The following PLSCR5 variants were observed in gnomAD, a reference collection of about 807,000 sequenced individuals.
PLSCR5 encodes the protein phospholipid scramblase family member 5.
PLSCR5 carries 44 observed loss-of-function variants against 33.6 expected under a neutral mutation model. The observed-to-expected ratio is 1.31, with a 90% CI of 1.03 to 1.69. The LOEUF (loss-of-function observed/expected upper bound fraction) is 1.69, where lower values mean the gene tolerates loss of function less well. Ranked by LOEUF, PLSCR5 falls within the 40% of genes most tolerant of loss-of-function variation. PLSCR5 has a pLI of 0.00. For synonymous variants in PLSCR5, 148 were observed against 112.3 expected, an observed-to-expected ratio of 1.32 and a Z score of -2.01; for missense variants, 375 against 318.7, an observed-to-expected ratio of 1.18 and a Z score of -1.34.
intron 6 of PLSCR5, among the ~76,000 whole-genome samples, chr3:146,587,062 G>C (rs1197896421): frequency 1.3e-5 from 2 of 152,160 alleles, no homozygotes; most frequent in Non-Finnish European, 2.9e-5. Context: ...TATCCTTTTA[G>C]ATGATTAGGG....
At chr3:146,591,219 A>G (rs2044711723) in intron 5 of PLSCR5, among the ~76,000 whole-genome samples, 1 of 151,990 alleles carries the variant, frequency 6.6e-6, no homozygotes, top group Admixed American at 6.6e-5. Context: ...AATAAAACAT[A>G]CTGAAACAAG....
rs1354106964 is a variant in PLSCR5 at position 146,605,237 on chromosome 3, A to G, written c.-25T>C. On this transcript the variant is annotated 5_prime_UTR_variant, in exon 1 of 8. Transcript: ENST00000443512. ...TGAAGATGTCTGAGTCACTTCTTCAAAGGTTGCCAGGTTGGAAAACAAAGG... is the reference window on the plus strand; with the variant it reads ...TGAAGATGTCTGAGTCACTTCTTCAGAGGTTGCCAGGTTGGAAAACAAAGG... 2 of 1,611,232 alleles carry G rather than the reference A, an allele frequency of 1.2e-6. No homozygotes were observed. The highest frequency in any genetic ancestry group is 2.7e-5 in the African/African-American group (2 of 74,938).
Position 146,603,060 on chromosome 3 carries a change from A to G in PLSCR5, c.13+2140T>C, listed in dbSNP as rs573863048. ...GTGTTTGAGAGCAACTTGCTCTTAA[A>G]TTGTGTTAATTTCTACTAAGCCAGG... On this transcript the variant is annotated intron_variant, in intron 1 of 7. Coordinates refer to ENST00000443512, the MANE Select transcript of PLSCR5 (RefSeq NM_001085420.2). Among the ~76,000 whole-genome samples, 3 of 152,186 alleles carry G rather than the reference A, an allele frequency of 2.0e-5. No homozygotes were observed. In the South Asian group the frequency reaches 6.2e-4, roughly 32 times the overall value.
rs550036306 is a variant in PLSCR5, at chr3:146,598,360, T to A, written c.189+1928A>T. 3.0e-4 allele frequency among the ~76,000 whole-genome samples: 46 copies of A among 152,288 alleles called. 2 individuals carry two copies. In the South Asian group the frequency reaches 9.5e-3, roughly 32 times the overall value. On this transcript the variant is annotated intron_variant, in intron 2 of 7. Coordinates refer to ENST00000443512, the MANE Select transcript of PLSCR5 (RefSeq NM_001085420.2). ...CAGTTTGGAAGTGCTCATTCATCCT[T>A]TTATATGTGCACTGCTTTAAAGTAA...
At chr3:146,587,380 A>T (rs2044674673) in intron 6 of PLSCR5, among the ~76,000 whole-genome samples, 2 of 152,248 alleles carry the variant, frequency 1.3e-5, no homozygotes, top group Non-Finnish European at 2.9e-5. Context: ...TTTAAAATAC[A>T]GAGAACTGTA....
chr3:146,597,220 G>GT (rs1313742493), intron 2 of PLSCR5, among the ~76,000 whole-genome samples: 2 of 152,048 alleles, frequency 1.3e-5, no homozygotes, highest in African/African-American at 2.4e-5. Flanking sequence ...AACAATAACA[G>GT]TTTTTTTAAT....
At position 146,600,396 on chromosome 3, in the gene PLSCR5, A is replaced by T. The variant is rs1349094943; in HGVS notation, c.81T>A (p.Leu27=). ...LPGAPDPDQS[L]PASSNPGNQA... The stretch of plus-strand genomic sequence containing the variant: ...GGTTCCCTGGATTGGAAGAGGCAGG[A>T]AGGCTTTGGTCTGGGTCTGGAGCTC... The change falls in exon 2 of 8, where the codon CTT becomes CTA. Residue 27 remains leucine (L), a synonymous_variant. Transcript: ENST00000443512. The T allele has an allele frequency of 2.5e-6, 4 of 1,609,894 alleles. No homozygotes were observed. The highest frequency in any genetic ancestry group is 3.4e-6 in the Non-Finnish European group (4 of 1,177,802).
chr3:146,597,122 T>A (rs1287548161), intron 2 of PLSCR5, among the ~76,000 whole-genome samples: 1 of 152,196 alleles, frequency 6.6e-6, no homozygotes, highest in African/African-American at 2.4e-5. Flanking sequence ...TGAATACTGT[T>A]GTCATGAATC....
At chr3:146,595,617 AAAAG>A (rs539307061) in intron 2 of PLSCR5, among the ~76,000 whole-genome samples, 4 of 152,040 alleles carry the variant, frequency 2.6e-5, no homozygotes, top group Non-Finnish European at 5.9e-5. Context: ...AAAAAAAAGA[AAAAG>A]AAAGAAAAAG....
At chr3:146,588,893 C>A (rs1396451103) in intron 6 of PLSCR5, among the ~76,000 whole-genome samples, 1 of 152,090 alleles carries the variant, frequency 6.6e-6, no homozygotes, top group Non-Finnish European at 1.5e-5. Flanking sequence ...ATGTGTGTGC[C>A]TGTGTATACA....
chr3:146,600,756 T>TA (rs1300200712), intron 1 of PLSCR5, among the ~76,000 whole-genome samples: 89 of 149,286 alleles, frequency 6.0e-4, no homozygotes, highest in Admixed American at 2.0e-3. Flanking sequence ...ATATATATAA[T>TA]TACTTGCATA....
rs1017911523 is a variant in PLSCR5, at chr3:146,589,677, T to C, written c.753A>G (p.Ala251=). 8 of 1,598,404 alleles carry C rather than the reference T, an allele frequency of 5.0e-6. No homozygotes were observed. Among genetic ancestry groups the C allele is most frequent in the African/African-American group, 1.3e-5 (1 of 74,546 alleles). Residue 251 remains alanine (A), a synonymous_variant, in exon 6 of 8, where the codon GCA becomes GCG. Transcript: ENST00000443512. Reference sequence around the variant, plus strand: ...CAAAGAGAAAACAGGCACCGATCATTGCTGCTTTGACTGTTACATCTAGAT... The same window carrying C: ...CAAAGAGAAAACAGGCACCGATCATCGCTGCTTTGACTGTTACATCTAGAT... ...PADLDVTVKA[A]MIGACFLFDF... is the part of the protein sequence containing the mutation.
intron 7 of PLSCR5, among the ~76,000 whole-genome samples, chr3:146,579,022 T>C (rs1219372373): frequency 6.6e-6 from 1 of 152,030 alleles, no homozygotes; most frequent in African/African-American, 2.4e-5. Context: ...TTTAAATTAT[T>C]CAATTCAAAT....
At chr3:146,603,838 T>C (rs2044840595) in intron 1 of PLSCR5, among the ~76,000 whole-genome samples, 1 of 149,930 alleles carries the variant, frequency 6.7e-6, no homozygotes, top group African/African-American at 2.5e-5. Context: ...TCAAGGTTTT[T>C]TGTTTATTTG....
At chr3:146,597,801 G>A (rs2044774225) in intron 2 of PLSCR5, among the ~76,000 whole-genome samples, 1 of 152,038 alleles carries the variant, frequency 6.6e-6, no homozygotes, top group African/African-American at 2.4e-5. Flanking sequence ...TACAATGAGA[G>A]GATTAGATGT....
intron 1 of PLSCR5, among the ~76,000 whole-genome samples, chr3:146,601,020 A>C (rs1238671639): frequency 6.7e-6 from 1 of 149,638 alleles, no homozygotes; most frequent in Non-Finnish European, 1.5e-5. Context: ...TATAACCAAT[A>C]ATAGTTTGAA....
At chr3:146,586,705 C>T (rs540229552) in intron 6 of PLSCR5, among the ~76,000 whole-genome samples, 1 of 151,668 alleles carries the variant, frequency 6.6e-6, no homozygotes, top group Non-Finnish European at 1.5e-5. Flanking sequence ...GGTTGTGAAG[C>T]CGTATCTTGG....
chr3:146,600,590 T>G, intron 1 of PLSCR5, 127 bp from the exon 2 acceptor site: 4 of 982,796 alleles, frequency 4.1e-6, no homozygotes, highest in Non-Finnish European at 5.4e-6. Context: ...TAATGCCCTT[T>G]TCCTTCTTTT....
intron 3 of PLSCR5, among the ~76,000 whole-genome samples, 193 bp downstream of exon 3, chr3:146,594,848 A>G (rs994226872): frequency 2.6e-5 from 4 of 152,130 alleles, no homozygotes; most frequent in African/African-American, 9.6e-5. Flanking sequence ...TTATGCTTCT[A>G]TTTTATCTAA....
Sources: allele counts gnomAD v4.1 joint callset (sites outside exome capture counted in the v4.1 genomes callset), GRCh38; gene constraint gnomAD v4.1.1; transcripts MANE v1.5; gene names NCBI Gene and HGNC (gene_info 2026-07-23, HGNC 2026-07-21).